COG5: variants seen among roughly 807,000 people sequenced by gnomAD.
COG5 encodes component of oligomeric golgi complex 5.
In COG5, 86 loss-of-function variants were observed where a neutral mutation model predicts 110.4. That is an observed-to-expected ratio of 0.78 (90% CI 0.65 to 0.93). The LOEUF is 0.93. Among genes scored for constraint, COG5 ranks in the 40% least tolerant of loss-of-function variants. The pLI is 0.00. For missense variants in COG5, 1,077 were observed against 987.0 expected, an observed-to-expected ratio of 1.09 and a Z score of -1.22; for synonymous variants, 360 against 334.6, an observed-to-expected ratio of 1.08 and a Z score of -0.83.
intron 19 of COG5, among the ~76,000 whole-genome samples, chr7:107,225,027 A>G (rs1800222658): frequency 6.6e-6 from 1 of 152,208 alleles, no homozygotes; most frequent in South Asian, 2.1e-4. Context: ...AGCACCTACT[A>G]AGGCCTGTGT....
chr7:107,431,512 A>G (rs1794025425), intron 6 of COG5, among the ~76,000 whole-genome samples: 1 of 152,328 alleles, frequency 6.6e-6, no homozygotes, highest in Non-Finnish European at 1.5e-5. Context: ...AAAGATGGGG[A>G]AAATCACTGA....
At chr7:107,365,366 ACAAT>A (rs1029267933) in intron 8 of COG5, among the ~76,000 whole-genome samples, 5 of 152,186 alleles carry the variant, frequency 3.3e-5, no homozygotes, top group South Asian at 2.1e-4. Context: ...AAAGACACAA[ACAAT>A]CAAACAAAAC....
At chr7:107,220,433 T>C (rs1009665034) in intron 19 of COG5, among the ~76,000 whole-genome samples, 15 of 152,242 alleles carry the variant, frequency 9.9e-5, no homozygotes, top group African/African-American at 3.6e-4. Flanking sequence ...CTTAAGTTCC[T>C]CTGGGGTAAT....
Position 107,258,636 on chromosome 7 carries a change from G to GA in COG5, c.1576-254dup, listed in dbSNP as rs1803076277. On this transcript the variant is annotated intron_variant, in intron 14 of 21. Coordinates refer to ENST00000297135, the MANE Select transcript of COG5 (RefSeq NM_006348.5). ...AAGCACAATTGGTCTTGCACGGGAA[G>GA]AACAGCTCCATTTATACTTCACAGC... 7 of 525,080 alleles carry GA rather than the reference G, an allele frequency of 1.3e-5. No homozygotes were observed. The South Asian group carries it at 1.6e-4, about 12-fold the overall frequency. 32.5% of individuals were successfully genotyped at this position (525,080 alleles called of 1,614,324 possible).
Position 107,532,332 on chromosome 7 carries a change from T to C in COG5, c.418-4975A>G, listed in dbSNP as rs192654824. On this transcript the variant is annotated intron_variant, in intron 5 of 21. Coordinates refer to ENST00000297135, the MANE Select transcript of COG5 (RefSeq NM_006348.5). The stretch of plus-strand genomic sequence containing the variant: ...TTGGCCTCCCAAAGTGCTGGGATTA[T>C]AGGAATGGACCACTGCACCCAGGCA... 1.3e-3 allele frequency among the ~76,000 whole-genome samples: 192 copies of C among 152,252 alleles called. 2 individuals are homozygous for C. Among genetic ancestry groups the C allele is most frequent in the African/African-American group, 4.4e-3 (183 of 41,538 alleles).
At chr7:107,461,186 G>T (rs1795968796) in intron 6 of COG5, among the ~76,000 whole-genome samples, 1 of 151,826 alleles carries the variant, frequency 6.6e-6, no homozygotes, top group Non-Finnish European at 1.5e-5. Flanking sequence ...ATAGGCAAAA[G>T]ATTTTTTAAA....
chr7:107,236,708 C>G, intron 17 of COG5, 21 bp from the exon 18 acceptor site: 1 of 1,484,770 alleles, frequency 6.7e-7, no homozygotes, highest in Non-Finnish European at 9.4e-7. Context: ...AAAAGCAGCC[C>G]TTTTCAGCAC....
intron 7 of COG5, among the ~76,000 whole-genome samples, chr7:107,393,787 T>G (rs956138379): frequency 1.3e-5 from 2 of 152,192 alleles, no homozygotes; most frequent in Non-Finnish European, 1.5e-5. Flanking sequence ...CTGCAAAAGT[T>G]GCGCTATCTT....
chr7:107,337,358 T>C (rs942618030), intron 10 of COG5, among the ~76,000 whole-genome samples: 1 of 152,194 alleles, frequency 6.6e-6, no homozygotes, highest in Non-Finnish European at 1.5e-5. Context: ...TGTACCACTA[T>C]TTGCAAAAGC....
intron 3 of COG5, 133 bp from the exon 4 acceptor site, chr7:107,548,465 G>GT: frequency 1.2e-6 from 1 of 824,366 alleles, no homozygotes; most frequent in Non-Finnish European, 2.1e-6. Flanking sequence ...CAAGCAACCA[G>GT]TATCTTTTAC....
intron 6 of COG5, among the ~76,000 whole-genome samples, chr7:107,455,877 T>C (rs1371456239): frequency 6.6e-6 from 1 of 151,228 alleles, no homozygotes; most frequent in East Asian, 1.9e-4. Context: ...CACTGCAACC[T>C]CTGCCTCCCG....
chr7:107,340,253 C>T (rs575137392), intron 10 of COG5, among the ~76,000 whole-genome samples: 4 of 152,038 alleles, frequency 2.6e-5, no homozygotes, highest in Non-Finnish European at 4.4e-5. Context: ...CATCTCTATG[C>T]GTACAAACTA....
intron 16 of COG5, among the ~76,000 whole-genome samples, chr7:107,253,928 C>CCT (rs1321689253): frequency 1.3e-5 from 2 of 152,122 alleles, no homozygotes. Context: ...ATAGCACTTT[C>CCT]CTTCCATCCC....
At chr7:107,434,861 T>C (rs1360901480) in intron 6 of COG5, among the ~76,000 whole-genome samples, 1 of 151,950 alleles carries the variant, frequency 6.6e-6, no homozygotes. Flanking sequence ...TCCCAGCTAC[T>C]TGGTAGGCTG....
intron 6 of COG5, among the ~76,000 whole-genome samples, chr7:107,442,901 C>T (rs1438602725): frequency 6.6e-6 from 1 of 152,116 alleles, no homozygotes; most frequent in African/African-American, 2.4e-5. Flanking sequence ...TCTCCAGTTC[C>T]TTAATTTATA....
chr7:107,257,447 A>G (rs184113184), intron 15 of COG5, among the ~76,000 whole-genome samples: 3 of 152,250 alleles, frequency 2.0e-5, no homozygotes, highest in East Asian at 3.9e-4. Context: ...AGGACTTGTT[A>G]AAATCTTTAA....
At chr7:107,444,733 G>A (rs1251528610) in intron 6 of COG5, among the ~76,000 whole-genome samples, 2 of 152,036 alleles carry the variant, frequency 1.3e-5, no homozygotes, top group Non-Finnish European at 1.5e-5. Context: ...AAAGAATAGC[G>A]ATTTTCACAT....
intron 6 of COG5, among the ~76,000 whole-genome samples, chr7:107,413,458 T>C (rs1792460776): frequency 6.6e-6 from 1 of 151,436 alleles, no homozygotes; most frequent in African/African-American, 2.4e-5. Flanking sequence ...GGGAGAAAGG[T>C]CTATATTATT....
At chr7:107,407,854 G>A (rs1791972533) in intron 7 of COG5, among the ~76,000 whole-genome samples, 1 of 152,088 alleles carries the variant, frequency 6.6e-6, no homozygotes, top group Admixed American at 6.5e-5. Flanking sequence ...ACAAGGGACA[G>A]CCATAAGTGT....
Sources: gnomAD v4.1 joint callset for allele counts (sites outside exome capture counted in the v4.1 genomes callset) on GRCh38, gnomAD v4.1.1 for gene constraint, MANE v1.5 for transcripts, NCBI Gene and HGNC (gene_info 2026-07-23, HGNC 2026-07-21) for gene names.